PTPRQ: variants seen among roughly 807,000 people sequenced by gnomAD.
The protein encoded by PTPRQ is phosphatidylinositol phosphatase PTPRQ.
PTPRQ carries 199 observed loss-of-function variants against 246.0 expected under a neutral mutation model. That is an observed-to-expected ratio of 0.81 (90% CI 0.72 to 0.91). The LOEUF (loss-of-function observed/expected upper bound fraction) is 0.91, where lower values mean the gene tolerates loss of function less well. Among genes scored for constraint, PTPRQ ranks in the 40% least tolerant of loss-of-function variants. The probability of loss-of-function intolerance (pLI) is 0.00; values close to 1 mark genes in which losing one functional copy is unlikely to be tolerated. For synonymous variants in PTPRQ, 869 were observed against 853.2 expected (o/e 1.02, Z -0.32); for missense variants, 2,624 against 2,528.4 (o/e 1.04, Z -0.81).
In PTPRQ at chr12:80,506,221, C is replaced by A; in HGVS notation, c.2455+15C>A. The A allele has an allele frequency of 1.4e-6, 2 of 1,448,374 alleles. No homozygotes were observed. The highest frequency in any genetic ancestry group is 1.8e-6 in the Non-Finnish European group (2 of 1,094,746). 89.7% of individuals were successfully genotyped at this position (1,448,374 alleles called of 1,614,324 possible). A position where few individuals can be genotyped will look rare whatever the true frequency, so the allele number is the denominator to read the frequency against. On this transcript the variant is annotated intron_variant, in intron 15 of 44. Transcript: ENST00000644991. ...AAACATTAAAGGTAAAAGAACAAAT[C>A]TAATATTGGATATTTGCATTTATAA...
rs1447247340 is a variant in PTPRQ at position 80,445,486 on chromosome 12, A to G, written c.164-5A>G. 6.6e-7 allele frequency: 1 copy of G among 1,504,218 alleles called. No individual in the cohort carries two copies. Among genetic ancestry groups the G allele is most frequent in the Non-Finnish European group, 8.9e-7 (1 of 1,127,542 alleles). 93.2% of individuals were successfully genotyped at this position (1,504,218 alleles called of 1,614,324 possible). Reference sequence around the variant, plus strand: ...CTTTTAACAAAATGGATTTTTTAAAAATAGAACCAGGGCCTCCAGTCTTCC... The same window carrying G: ...CTTTTAACAAAATGGATTTTTTAAAGATAGAACCAGGGCCTCCAGTCTTCC... On this transcript the variant is annotated splice_polypyrimidine_tract_variant and splice_region_variant and intron_variant, in intron 2 of 44. Coordinates refer to ENST00000644991, the MANE Select transcript of PTPRQ (RefSeq NM_001145026.2).
intron 30 of PTPRQ, among the ~76,000 whole-genome samples, chr12:80,617,784 A>G (rs1457550218): frequency 2.0e-5 from 3 of 151,446 alleles, no homozygotes; most frequent in Non-Finnish European, 1.5e-5. Flanking sequence ...GGAATATTCA[A>G]TTGGTAGTAG....
chr12:80,523,508 A>G (rs1261181108), intron 17 of PTPRQ, among the ~76,000 whole-genome samples: 1 of 152,304 alleles, frequency 6.6e-6, no homozygotes, highest in Admixed American at 6.5e-5. Context: ...ATTTAGTGCT[A>G]TAAATTTCCC....
At chr12:80,493,593 A>G (rs1894519233) in intron 10 of PTPRQ, 138 bp downstream of exon 10, 2 of 1,277,230 alleles carry the variant, frequency 1.6e-6, no homozygotes, top group Non-Finnish European at 2.1e-6. Context: ...TAGCTGTCGG[A>G]AAACCTCATG....
intron 9 of PTPRQ, among the ~76,000 whole-genome samples, chr12:80,492,710 A>T (rs553120952): frequency 4.1e-4 from 62 of 152,056 alleles, no homozygotes; most frequent in African/African-American, 1.5e-3. Flanking sequence ...AATATTCCTT[A>T]TGTCCAGAGT....
intron 42 of PTPRQ, among the ~76,000 whole-genome samples, chr12:80,672,720 A>G (rs1901009597): frequency 6.6e-6 from 1 of 151,724 alleles, no homozygotes; most frequent in Admixed American, 6.6e-5. Flanking sequence ...GAAAGTGAAA[A>G]GGACAATTGC....
At chr12:80,480,333 A>C (rs1429238837) in intron 8 of PTPRQ, among the ~76,000 whole-genome samples, 1 of 152,182 alleles carries the variant, frequency 6.6e-6, no homozygotes, top group East Asian at 1.9e-4. Flanking sequence ...AACTAGAACA[A>C]AGACACAACA....
intron 26 of PTPRQ, among the ~76,000 whole-genome samples, chr12:80,590,724 A>C (rs979039279): frequency 2.6e-5 from 4 of 151,732 alleles, no homozygotes; most frequent in Admixed American, 1.3e-4. Flanking sequence ...TCTTAGAATA[A>C]ATTTTACATT....
intron 26 of PTPRQ, among the ~76,000 whole-genome samples, chr12:80,600,388 G>A (rs1421926253): frequency 6.6e-5 from 10 of 151,696 alleles, no homozygotes; most frequent in Non-Finnish European, 1.5e-4. Context: ...ATTTCTTTCT[G>A]AGCTGGCATA....
intron 9 of PTPRQ, among the ~76,000 whole-genome samples, chr12:80,486,742 C>G (rs972575840): frequency 6.6e-6 from 1 of 152,102 alleles, no homozygotes; most frequent in Non-Finnish European, 1.5e-5. Context: ...CCTCATTCCC[C>G]AACTCAAGAA....
At chr12:80,665,470 G>A (rs1431214630) in intron 39 of PTPRQ, among the ~76,000 whole-genome samples, 1 of 151,830 alleles carries the variant, frequency 6.6e-6, no homozygotes, top group East Asian at 1.9e-4. Flanking sequence ...TTGCCTTCGT[G>A]GCATTCCTAC....
At chr12:80,536,125 C>G (rs894772650) in intron 19 of PTPRQ, among the ~76,000 whole-genome samples, 1 of 151,970 alleles carries the variant, frequency 6.6e-6, no homozygotes, top group Non-Finnish European at 1.5e-5. Flanking sequence ...AAGAAAAACA[C>G]GAATTTAGAA....
At chr12:80,552,243 C>G (rs1392404497) in intron 25 of PTPRQ, among the ~76,000 whole-genome samples, 1 of 152,002 alleles carries the variant, frequency 6.6e-6, no homozygotes, top group Non-Finnish European at 1.5e-5. Context: ...GGGTGGCCAG[C>G]ACATCATTGC....
intron 38 of PTPRQ, among the ~76,000 whole-genome samples, chr12:80,657,609 A>G (rs1379856827): frequency 6.6e-6 from 1 of 151,890 alleles, no homozygotes; most frequent in Non-Finnish European, 1.5e-5. Flanking sequence ...ACATTATTAT[A>G]TATTCAAACA....
intron 31 of PTPRQ, 35 bp from the exon 32 acceptor site, chr12:80,620,119 C>T (rs2121131081): frequency 6.6e-7 from 1 of 1,507,438 alleles, no homozygotes; most frequent in East Asian, 2.5e-5. Flanking sequence ...TCATATGTTA[C>T]TTGGAATTAT....
chr12:80,543,306 T>C (rs1896209729), intron 23 of PTPRQ, among the ~76,000 whole-genome samples: 1 of 151,210 alleles, frequency 6.6e-6, no homozygotes, highest in African/African-American at 2.4e-5. Flanking sequence ...CATATGATCC[T>C]ACACTAATTG....
At chr12:80,464,208 G>T (rs1293931780) in intron 6 of PTPRQ, among the ~76,000 whole-genome samples, 1 of 145,712 alleles carries the variant, frequency 6.9e-6, no homozygotes, top group Non-Finnish European at 1.5e-5. Flanking sequence ...ACAAAGGCAG[G>T]GGTTGCAATC....
chr12:80,588,891 T>G (rs145749009), intron 26 of PTPRQ, among the ~76,000 whole-genome samples: 1 of 152,232 alleles, frequency 6.6e-6, no homozygotes, highest in Non-Finnish European at 1.5e-5. Context: ...ATAACCCTGA[T>G]TGATCTGTCT....
At chr12:80,522,608 C>T (rs1309608532) in intron 17 of PTPRQ, among the ~76,000 whole-genome samples, 1 of 152,108 alleles carries the variant, frequency 6.6e-6, no homozygotes, top group Non-Finnish European at 1.5e-5. Context: ...TTTTCTGCAT[C>T]TATTGAGATA....
Sources: allele counts gnomAD v4.1 joint callset (sites outside exome capture counted in the v4.1 genomes callset), GRCh38; gene constraint gnomAD v4.1.1; transcripts MANE v1.5; gene names NCBI Gene and HGNC (gene_info 2026-07-23, HGNC 2026-07-21).